The following VARS2 variants were observed in gnomAD, a reference collection of about 807,000 sequenced individuals.
VARS2 encodes valine--tRNA ligase, mitochondrial.
A neutral mutation model predicts 154.1 loss-of-function variants in VARS2; 105 were observed. The ratio of observed to expected loss-of-function variants is 0.68; its 90% CI spans 0.58 to 0.80. The LOEUF is 0.80. Ranked by LOEUF, VARS2 falls within the 30% of genes least tolerant of loss-of-function variation. VARS2 has a pLI of 0.00. For synonymous variants in VARS2, 483 were observed against 539.5 expected (o/e 0.90, Z 1.45); for missense variants, 1,157 against 1,361.4 (o/e 0.85, Z 2.36).
At chr6:30,915,264 T>G in intron 3 of VARS2, 27 bp downstream of exon 3, 1 of 1,612,758 alleles carries the variant, frequency 6.2e-7, no homozygotes, top group Non-Finnish European at 8.5e-7. Flanking sequence ...AGAAGGCCTT[T>G]TCTTTCACAT....
rs1794530999 is a variant in VARS2 at position 30,921,805 on chromosome 6, G to A, written c.1735+114G>A. The A allele has an allele frequency of 6.5e-7, 1 of 1,547,808 alleles. No homozygotes were observed. Among genetic ancestry groups the A allele is most frequent in the Non-Finnish European group, 8.8e-7 (1 of 1,133,290 alleles). On this transcript the variant is annotated intron_variant, in intron 18 of 29. Transcript: ENST00000676266. The surrounding 1 kb of genome is among the most constrained non-coding windows in gnomAD (Gnocchi z 4.6). ...GGTAGGGTCAGGAAAGTTGGGAATGGAGCCAAAGGGGACAGCCCTGGTCTC... is the reference window on the plus strand; with the variant it reads ...GGTAGGGTCAGGAAAGTTGGGAATGAAGCCAAAGGGGACAGCCCTGGTCTC...
rs945904163 is a variant in VARS2 at position 30,921,479 on chromosome 6, C to A, written c.1633-110C>A. On this transcript the variant is annotated intron_variant, in intron 17 of 29. Coordinates refer to ENST00000676266, the MANE Select transcript of VARS2 (RefSeq NM_020442.6). This position sits in a 1 kb window ranked among gnomAD's most constrained non-coding sequence, Gnocchi z 4.6. The stretch of plus-strand genomic sequence containing the variant: ...GAAGTGGCATTTCTTTATCTCACCC[C>A]TGGGGGAACCTGGCCACTCTAAGAC... 4.9e-6 allele frequency: 7 copies of A among 1,441,038 alleles called. No individual in the cohort carries two copies. The highest frequency in any genetic ancestry group is 6.7e-6 in the Non-Finnish European group (7 of 1,048,144). 89.3% of individuals were successfully genotyped at this position (1,441,038 alleles called of 1,614,324 possible).
chr6:30,920,435 A>G lies in VARS2; in HGVS notation c.1396A>G (p.Ser466Gly), dbSNP rs149444062. ...QNHPMVLPIC[S>G]RSGDVIEYLL... ...CCACCCCATGGTACTGCCCATCTGC[A>G]GGTAACCTCATTTTAACTCCTTTAC... Residue 466 changes from serine to glycine, a missense_variant and splice_region_variant, in exon 14 of 30, where the codon AGC (serine) becomes GGC (glycine). Coordinates refer to ENST00000676266, the MANE Select transcript of VARS2 (RefSeq NM_020442.6). The surrounding 1 kb of genome is among the most constrained non-coding windows in gnomAD (Gnocchi z 4.6). 7.6e-5 allele frequency: 121 copies of G among 1,601,588 alleles called. 2 individuals carry two copies. The highest frequency in any genetic ancestry group is 8.4e-5 in the Non-Finnish European group (99 of 1,175,748).
At chr6:30,914,412 A>G in intron 1 of VARS2, 68 bp downstream of exon 1, 1 of 1,268,464 alleles carries the variant, frequency 7.9e-7, no homozygotes, top group Non-Finnish European at 9.9e-7. Flanking sequence ...AGGCCTTGGG[A>G]TGGGCGGGAA....
intron 1 of VARS2, chr6:30,914,606 C>G: frequency 1.7e-6 from 2 of 1,187,350 alleles, no homozygotes; most frequent in Non-Finnish European, 2.3e-6. Flanking sequence ...CGGCCCTGTT[C>G]CGGAAGAGCC....
intron 23 of VARS2, 45 bp downstream of exon 23, chr6:30,923,021 C>A: frequency 6.2e-7 from 1 of 1,603,712 alleles, no homozygotes. Flanking sequence ...GGGCAGCGGG[C>A]ACCTGTGCAG....
chr6:30,918,813 A>C lies in VARS2; in HGVS notation c.986-14A>C, dbSNP rs1297230026. ...ATGATGACCAGCTGTAAGTGTTTAAATGTTTATCTTCAGATGCAGAGGTTG... is the reference window on the plus strand; with the variant it reads ...ATGATGACCAGCTGTAAGTGTTTAACTGTTTATCTTCAGATGCAGAGGTTG... On this transcript the variant is annotated splice_polypyrimidine_tract_variant and intron_variant, in intron 10 of 29. Transcript: ENST00000676266. 2 of 1,612,154 alleles carry C rather than the reference A, an allele frequency of 1.2e-6. No individual in the cohort carries two copies. The highest frequency in any genetic ancestry group is 1.7e-6 in the Non-Finnish European group (2 of 1,179,498).
chr6:30,918,727 C>A, intron 10 of VARS2, 100 bp from the exon 11 acceptor site: 1 of 998,364 alleles, frequency 1.0e-6, no homozygotes, highest in Non-Finnish European at 1.5e-6. Context: ...CTTGACTACT[C>A]CCTGCCCCTT....
rs1794200620 is a variant in VARS2 at position 30,916,731 on chromosome 6, T to A, written c.672-147T>A. On this transcript the variant is annotated intron_variant, in intron 7 of 29. Coordinates refer to ENST00000676266, the MANE Select transcript of VARS2 (RefSeq NM_020442.6). This position sits in a 1 kb window ranked among gnomAD's most constrained non-coding sequence, Gnocchi z 4.0. ...GAAAACCCCATACTGGGTTTGTAAG[T>A]CCATTTCTATTAGCCTCTAGAGGCT... 1.4e-6 allele frequency: 1 copy of A among 730,376 alleles called. No homozygotes were observed. The allele number at this position is 730,376 out of a possible 1,614,324, so 45.2% of individuals were successfully genotyped here.
chr6:30,916,690 C>T lies in VARS2; in HGVS notation c.672-188C>T. On this transcript the variant is annotated intron_variant, in intron 7 of 29. Transcript: ENST00000676266. This position sits in a 1 kb window ranked among gnomAD's most constrained non-coding sequence, Gnocchi z 4.0. The stretch of plus-strand genomic sequence containing the variant: ...CCTCTCTTCCTATAGAATCTTTTGC[C>T]TCTTTTAATATCTTAGAAAACCCCA... 3.2e-6 allele frequency: 2 copies of T among 617,618 alleles called. No individual in the cohort carries two copies. Among genetic ancestry groups the T allele is most frequent in the Non-Finnish European group, 5.8e-6 (2 of 346,436 alleles). The allele number at this position is 617,618 out of a possible 1,614,324, so 38.3% of individuals were successfully genotyped here.
Position 30,916,276 on chromosome 6 carries a change from G to A in VARS2, c.671+27G>A. ...TGAGTATGATGGGCAGGACTCGGGG[G>A]GCCCAGATGGCAGATTTGGTTTCTT... On this transcript the variant is annotated intron_variant, in intron 7 of 29. Transcript: ENST00000676266. This position sits in a 1 kb window ranked among gnomAD's most constrained non-coding sequence, Gnocchi z 4.0. 1 of 1,578,802 alleles carries A rather than the reference G, an allele frequency of 6.3e-7. No individual in the cohort carries two copies. The highest frequency in any genetic ancestry group is 8.6e-7 in the Non-Finnish European group (1 of 1,159,182).
Position 30,919,635 on chromosome 6 carries a change from G to T in VARS2, c.1075-123G>T. On this transcript the variant is annotated intron_variant, in intron 11 of 29. Coordinates refer to ENST00000676266, the MANE Select transcript of VARS2 (RefSeq NM_020442.6). This position sits in a 1 kb window ranked among gnomAD's most constrained non-coding sequence, Gnocchi z 4.5. Reference sequence around the variant, plus strand: ...CATTCTGGCCCCTTAAGAGTTTGCTGACCTTGCTCTAGCTTGCTACCTTCC... The same window carrying T: ...CATTCTGGCCCCTTAAGAGTTTGCTTACCTTGCTCTAGCTTGCTACCTTCC... The T allele has an allele frequency of 1.4e-6, 1 of 697,940 alleles. No homozygotes were observed. Among genetic ancestry groups the T allele is most frequent in the Non-Finnish European group, 2.2e-6 (1 of 444,766 alleles). 43.2% of individuals were successfully genotyped at this position (697,940 alleles called of 1,614,324 possible). A position where few individuals can be genotyped will look rare whatever the true frequency, so the allele number is the denominator to read the frequency against.
intron 21 of VARS2, 33 bp from the exon 22 acceptor site, chr6:30,922,673 C>T (rs568164670): frequency 1.2e-6 from 2 of 1,603,694 alleles, no homozygotes; most frequent in Middle Eastern, 1.7e-4. Context: ...GGGCCTTCGA[C>T]CTGGGTCGTG....
intron 20 of VARS2, 41 bp from the exon 21 acceptor site, chr6:30,922,409 T>G (rs780003301): frequency 2.0e-5 from 33 of 1,610,036 alleles, no homozygotes; most frequent in Non-Finnish European, 2.3e-5. Context: ...CCAAGGCACC[T>G]CCAAGGAAAC....
rs541091465 is a variant in VARS2 at position 30,918,882 on chromosome 6, T to G, written c.1041T>G (p.Ala347=). ...TRPETLPGDV[A]VAVHPDDSRY... is the part of the protein sequence containing the mutation. ...CAGAGACGCTGCCTGGAGATGTGGC[T>G]GTGGCCGTTCATCCAGACGACTCGC... is the stretch of plus-strand genomic sequence containing the variant. The change falls in exon 11 of 30, where the codon GCT becomes GCG. Residue 347 remains alanine, a synonymous_variant. Transcript: ENST00000676266. 6.2e-7 allele frequency: 1 copy of G among 1,613,016 alleles called. No individual in the cohort carries two copies. Among genetic ancestry groups the G allele is most frequent in the East Asian group, 2.2e-5 (1 of 44,890 alleles).
Position 30,915,211 on chromosome 6 carries a change from T to G in VARS2, c.257T>G (p.Ile86Ser), listed in dbSNP as rs1430480875. The G allele has an allele frequency of 6.2e-7, 1 of 1,614,004 alleles. No individual in the cohort carries two copies. Among genetic ancestry groups the G allele is most frequent in the African/African-American group, 1.3e-5 (1 of 74,896 alleles). The change falls in exon 3 of 30, where the codon ATC becomes AGC. Residue 86 changes from isoleucine (I) to serine (S), a missense_variant. Ile to Ser is a moderately radical substitution (Grantham distance 142). Coordinates refer to ENST00000676266, the MANE Select transcript of VARS2 (RefSeq NM_020442.6). ...WRPKELVLYE[I>S]PTKPGEKKDV... The stretch of plus-strand genomic sequence containing the variant: ...CCTAAGGAGTTAGTATTGTATGAAA[T>G]CCCTACGAAACCCGGTGAAAAGAAA...
At chr6:30,924,953 A>G (rs529027393) in intron 26 of VARS2, among the ~76,000 whole-genome samples, 4 of 152,340 alleles carry the variant, frequency 2.6e-5, no homozygotes, top group African/African-American at 9.6e-5. Flanking sequence ...TCACCCAAAA[A>G]TTATTTTAAA....
Position 30,922,185 on chromosome 6 carries a change from G to A in VARS2, c.1876G>A (p.Val626Met). ...GGGCAGCGACCTTCTGCTGTTCTGG[G>A]TGGGCCGCATGGTCATGTTGGGGAC... is the stretch of plus-strand genomic sequence containing the variant. ...ETGSDLLLFWVGRMVMLGTQL... is the reference protein window; with the variant it reads ...ETGSDLLLFWMGRMVMLGTQL... Residue 626 changes from valine (V) to methionine (M), a missense_variant, in exon 20 of 30, where the codon GTG (valine) becomes ATG (methionine). Val to Met is a conservative substitution (Grantham distance 21, BLOSUM62 1). Coordinates refer to ENST00000676266, the MANE Select transcript of VARS2 (RefSeq NM_020442.6). The A allele has an allele frequency of 6.2e-7, 1 of 1,612,820 alleles. No homozygotes were observed. The highest frequency in any genetic ancestry group is 8.5e-7 in the Non-Finnish European group (1 of 1,179,954).
chr6:30,925,619 A>ACTGTGGGG lies in VARS2; in HGVS notation c.2869_2876dup (p.Leu961TrpfsTer42), dbSNP rs1794789052. On this transcript the variant is annotated frameshift_variant, in exon 28 of 30. Transcript: ENST00000676266. LOFTEE classifies it high-confidence loss of function. Reference sequence around the variant, plus strand: ...TTGGAGCCCCTGGGCACCCTGGGCTACTGTGGGGCTGTGGGCCTGTTACCC... The same window carrying ACTGTGGGG: ...TTGGAGCCCCTGGGCACCCTGGGCTACTGTGGGGCTGTGGGGCTGTGGGCCTGTTACCC... 6.2e-7 allele frequency: 1 copy of ACTGTGGGG among 1,611,482 alleles called. No homozygotes were observed. The highest frequency in any genetic ancestry group is 8.5e-7 in the Non-Finnish European group (1 of 1,179,866).
Sources: gnomAD v4.1 joint callset for allele counts (sites outside exome capture counted in the v4.1 genomes callset) on GRCh38, gnomAD v4.1.1 for gene constraint, Gnocchi (gnomAD v3.1) non-coding constraint, MANE v1.5 for transcripts, NCBI Gene and HGNC (gene_info 2026-07-23, HGNC 2026-07-21) for gene names.